The following SHANK2 variants were observed in gnomAD, a reference collection of about 807,000 sequenced individuals.
SHANK2 encodes SH3 and multiple ankyrin repeat domains 2.
In SHANK2, 43 loss-of-function variants were observed where a neutral mutation model predicts 133.7. The observed-to-expected ratio is 0.32, with a 90% CI of 0.25 to 0.41. The LOEUF is 0.41. SHANK2 is among the 10% of genes least tolerant of loss of function. The pLI, the probability that SHANK2 is intolerant of heterozygous loss-of-function variation, is 1.00. For missense variants in SHANK2, 1,994 were observed against 2,235.8 expected, an observed-to-expected ratio of 0.89 and a Z score of 2.18; for synonymous variants, 1,017 against 952.8, an observed-to-expected ratio of 1.07 and a Z score of -1.24.
At chr11:70,815,180 ACACACACAC>A (rs1948365011) in intron 12 of SHANK2, among the ~76,000 whole-genome samples, 1 of 5,630 alleles carries the variant, frequency 1.8e-4, no homozygotes, top group Non-Finnish European at 3.5e-4. Flanking sequence ...GAAGAAACAC[ACACACACAC>A]ACACACACAC....
intron 17 of SHANK2, among the ~76,000 whole-genome samples, chr11:70,556,012 G>T (rs1176743073): frequency 2.0e-5 from 3 of 152,194 alleles, no homozygotes; most frequent in Non-Finnish European, 1.5e-5. Flanking sequence ...ATAAAAGTGC[G>T]AGGTGAAACA....
intron 6 of SHANK2, among the ~76,000 whole-genome samples, chr11:71,106,883 G>A (rs569417461): frequency 3.3e-5 from 5 of 152,206 alleles, no homozygotes; most frequent in East Asian, 1.9e-4. Flanking sequence ...CCAACACTTC[G>A]GAAGGCCGAG....
At chr11:70,782,932 T>A (rs571487481) in intron 14 of SHANK2, among the ~76,000 whole-genome samples, 1 of 152,290 alleles carries the variant, frequency 6.6e-6, no homozygotes, top group Admixed American at 6.5e-5. Context: ...TGACCCCCTC[T>A]AGAATTCACG....
chr11:70,846,551 C>A (rs1014329724), intron 11 of SHANK2, among the ~76,000 whole-genome samples: 1 of 152,182 alleles, frequency 6.6e-6, no homozygotes, highest in African/African-American at 2.4e-5. Flanking sequence ...CTGCTGCGCT[C>A]GGCCTCATCT....
At chr11:71,111,103 C>G (rs529627149) in intron 5 of SHANK2, among the ~76,000 whole-genome samples, 44 of 152,332 alleles carry the variant, frequency 2.9e-4, no homozygotes, top group Non-Finnish European at 6.0e-4. Flanking sequence ...GAGAGTCACA[C>G]TTTTGTTGTT....
chr11:70,764,583 A>C (rs970368926), intron 14 of SHANK2, among the ~76,000 whole-genome samples: 2 of 149,544 alleles, frequency 1.3e-5, no homozygotes, highest in African/African-American at 2.5e-5. Flanking sequence ...TGATCCATCT[A>C]CCCATGCATC....
chr11:70,545,891 G>A (rs576072789), intron 17 of SHANK2, among the ~76,000 whole-genome samples: 33 of 152,230 alleles, frequency 2.2e-4, no homozygotes, highest in Non-Finnish European at 3.8e-4. Context: ...CCTTGCTCAG[G>A]TCTGATATTT....
chr11:70,555,940 CAA>C (rs1315139282), intron 17 of SHANK2, among the ~76,000 whole-genome samples: 38 of 152,134 alleles, frequency 2.5e-4, no homozygotes, highest in African/African-American at 9.2e-4. Flanking sequence ...AGCTGCAGAA[CAA>C]AAGTCTGAAG....
intron 14 of SHANK2, among the ~76,000 whole-genome samples, chr11:70,751,120 T>A (rs1198696661): frequency 6.6e-6 from 1 of 152,094 alleles, no homozygotes; most frequent in East Asian, 1.9e-4. Context: ...GACAGATCCA[T>A]AGAAATTATC....
At chr11:70,700,849 G>T (rs1318672560) in intron 14 of SHANK2, among the ~76,000 whole-genome samples, 9 of 152,230 alleles carry the variant, frequency 5.9e-5, no homozygotes, top group Non-Finnish European at 1.0e-4. Flanking sequence ...TGTGAGGTGG[G>T]AACACATGGT....
intron 17 of SHANK2, among the ~76,000 whole-genome samples, chr11:70,603,049 A>T (rs2060522273): frequency 6.6e-6 from 1 of 152,230 alleles, no homozygotes; most frequent in African/African-American, 2.4e-5. Flanking sequence ...GAAAACAGGT[A>T]AACGTTAGCT....
intron 17 of SHANK2, chr11:70,634,906 C>A (rs1486532917): frequency 2.6e-5 from 4 of 152,210 alleles, no homozygotes; most frequent in Non-Finnish European, 5.9e-5. Flanking sequence ...ATAGACATTT[C>A]TCCAAAGAAG....
intron 16 of SHANK2, 94 bp downstream of exon 16, chr11:70,661,500 TAC>T (rs3837380): frequency 0.057 from 57,931 of 1,014,328 alleles, 1,268 homozygotes; most frequent in East Asian, 0.12. Context: ...TGCAGGCGTA[TAC>T]ACACACACAC....
At chr11:70,846,819 G>A (rs1489139266) in intron 11 of SHANK2, among the ~76,000 whole-genome samples, 1 of 152,174 alleles carries the variant, frequency 6.6e-6, no homozygotes, top group East Asian at 1.9e-4. Context: ...TGAAAAATGG[G>A]GGCTAGAACA....
chr11:70,484,402 C>T (rs2058774109), intron 25 of SHANK2, among the ~76,000 whole-genome samples: 1 of 152,064 alleles, frequency 6.6e-6, no homozygotes, highest in South Asian at 2.1e-4. Context: ...GTGGTACCTC[C>T]CCCGACTCCC....
intron 17 of SHANK2, among the ~76,000 whole-genome samples, chr11:70,591,109 A>ACT (rs2060315076): frequency 6.6e-6 from 1 of 152,214 alleles, no homozygotes; most frequent in African/African-American, 2.4e-5. Flanking sequence ...TGGGAGGCCG[A>ACT]GGTGGGCGGA....
intron 14 of SHANK2, among the ~76,000 whole-genome samples, chr11:70,776,691 T>C (rs969177159): frequency 1.1e-4 from 16 of 151,862 alleles, no homozygotes; most frequent in Non-Finnish European, 1.6e-4. Context: ...TAGTCACCCA[T>C]CCTCCCACCT....
chr11:71,201,897 G>T (rs989476765), intron 2 of SHANK2, among the ~76,000 whole-genome samples: 1 of 152,222 alleles, frequency 6.6e-6, no homozygotes, highest in South Asian at 2.1e-4. Context: ...AACCTGCCCA[G>T]TGGCTTCTGT....
chr11:70,481,586 T>C (rs1344236030), intron 25 of SHANK2, among the ~76,000 whole-genome samples: 2 of 152,262 alleles, frequency 1.3e-5, no homozygotes, highest in African/African-American at 2.4e-5. Context: ...CTTGTTTCTA[T>C]GGAAATGGGA....
Sources: allele counts gnomAD v4.1 joint callset (sites outside exome capture counted in the v4.1 genomes callset), GRCh38; gene constraint gnomAD v4.1.1; transcripts MANE v1.5; gene names NCBI Gene and HGNC (gene_info 2026-07-23, HGNC 2026-07-21).